The following GLYATL2 variants were observed in gnomAD, a reference collection of about 807,000 sequenced individuals.
The protein encoded by GLYATL2 is glycine N-acyltransferase-like protein 2.
In GLYATL2, 25 loss-of-function variants were observed where a neutral mutation model predicts 21.4. The observed-to-expected ratio is 1.17, with a 90% CI of 0.85 to 1.63. The LOEUF is 1.63. GLYATL2 is among the 40% of genes most tolerant of loss of function. The probability of loss-of-function intolerance (pLI) is 0.00; values close to 1 mark genes in which losing one functional copy is unlikely to be tolerated. For synonymous variants in GLYATL2, 114 were observed against 118.2 expected, an observed-to-expected ratio of 0.96 and a Z score of 0.23; for missense variants, 361 against 343.3, an observed-to-expected ratio of 1.05 and a Z score of -0.41.
At position 58,834,516 on chromosome 11, in the gene GLYATL2, T is replaced by A; in HGVS notation, c.798A>T (p.Lys266Asn). 1 of 1,613,790 alleles carries A rather than the reference T, an allele frequency of 6.2e-7. No homozygotes were observed. Among genetic ancestry groups the A allele is most frequent in the South Asian group, 1.1e-5 (1 of 91,042 alleles). Residue 266 changes from lysine to asparagine, a missense_variant, in exon 6 of 6, where the codon AAA (lysine) becomes AAT (asparagine). Lys to Asn is a moderately conservative substitution (Grantham distance 94). Coordinates refer to ENST00000287275, the MANE Select transcript of GLYATL2 (RefSeq NM_145016.4). The stretch of plus-strand genomic sequence containing the variant: ...CCAAATTGTTCAGTGCCTGTAGGCT[T>A]TTCTCATTATTATCTGCCACATGGA... ...FYFHVADNNE[K>N]SLQALNNLGF...
intron 1 of GLYATL2, among the ~76,000 whole-genome samples, chr11:58,857,982 T>C (rs1397441230): frequency 6.6e-6 from 1 of 151,336 alleles, no homozygotes; most frequent in Admixed American, 6.6e-5. Context: ...ATGGATCACA[T>C]TGGAGTTTGG....
chr11:58,900,796 TG>T (rs201345643), intron 1 of GLYATL2, among the ~76,000 whole-genome samples: 2,782 of 151,982 alleles, frequency 0.018, 87 homozygotes, highest in African/African-American at 0.063. Flanking sequence ...ATGGGAAGCT[TG>T]GGGGGGTGGT....
Position 58,834,499 on chromosome 11 carries a change from T to A in GLYATL2, c.815A>T (p.Asn272Ile), listed in dbSNP as rs773639109. 59 of 1,613,422 alleles carry A rather than the reference T, an allele frequency of 3.7e-5. No homozygotes were observed. The highest frequency in any genetic ancestry group is 6.7e-5 in the Admixed American group (4 of 59,924). ...DNNEKSLQAL[N>I]NLGFKICPCG... Reference sequence around the variant, plus strand: ...AGGACAAATCTTAAACCCCAAATTGTTCAGTGCCTGTAGGCTTTTCTCATT... The same window carrying A: ...AGGACAAATCTTAAACCCCAAATTGATCAGTGCCTGTAGGCTTTTCTCATT... Residue 272 changes from asparagine to isoleucine, a missense_variant, in exon 6 of 6, where the codon AAC (asparagine) becomes ATC (isoleucine). By Grantham distance (149) the Asn-to-Ile change is moderately radical (BLOSUM62 -3). Coordinates refer to ENST00000287275, the MANE Select transcript of GLYATL2 (RefSeq NM_145016.4).
chr11:58,861,582 A>AT (rs1466008375), intron 1 of GLYATL2, among the ~76,000 whole-genome samples: 1 of 149,386 alleles, frequency 6.7e-6, no homozygotes, highest in Non-Finnish European at 1.5e-5. Context: ...TCTGATCTTT[A>AT]TTTTTTCCTT....
chr11:58,845,167 A>G (rs1037165668), upstream of GLYATL2, among the ~76,000 whole-genome samples: 16 of 152,358 alleles, frequency 1.1e-4, no homozygotes, highest in Middle Eastern at 3.4e-3. Flanking sequence ...TGTTAACAAT[A>G]CAAGAACTTT....
chr11:58,874,555 T>A (rs536513676), intron 1 of GLYATL2, among the ~76,000 whole-genome samples: 56 of 152,358 alleles, frequency 3.7e-4, no homozygotes, highest in African/African-American at 1.3e-3. Context: ...TACCCAGTAG[T>A]CATTCAGGAG....
intron 1 of GLYATL2, among the ~76,000 whole-genome samples, chr11:58,867,366 A>C (rs1456584537): frequency 6.7e-6 from 1 of 148,878 alleles, no homozygotes; most frequent in African/African-American, 2.4e-5. Context: ...TTTATGGTGA[A>C]TATGTTCTCT....
At chr11:58,853,279 T>C (rs1853772939) in intron 1 of GLYATL2, among the ~76,000 whole-genome samples, 1 of 152,214 alleles carries the variant, frequency 6.6e-6, no homozygotes, top group Non-Finnish European at 1.5e-5. Flanking sequence ...GGTCCACTTA[T>C]GGTTGGATCT....
intron 1 of GLYATL2, among the ~76,000 whole-genome samples, chr11:58,903,929 C>T (rs1239369853): frequency 6.6e-6 from 1 of 152,188 alleles, no homozygotes; most frequent in Non-Finnish European, 1.5e-5. Context: ...AGTAGAATTA[C>T]TGACACACTC....
intron 1 of GLYATL2, among the ~76,000 whole-genome samples, chr11:58,868,233 A>T (rs1854054174): frequency 6.7e-6 from 1 of 148,844 alleles, no homozygotes; most frequent in Non-Finnish European, 1.5e-5. Context: ...TAAACATAGA[A>T]GTTGACCCTC....
chr11:58,842,274 G>A (rs1253215245), intron 1 of GLYATL2, among the ~76,000 whole-genome samples: 1 of 152,158 alleles, frequency 6.6e-6, no homozygotes, highest in Non-Finnish European at 1.5e-5. Flanking sequence ...AAAAAAATTA[G>A]GATGGATGCA....
At chr11:58,852,423 G>C (rs978586162) in intron 1 of GLYATL2, among the ~76,000 whole-genome samples, 1 of 152,194 alleles carries the variant, frequency 6.6e-6, no homozygotes, top group Non-Finnish European at 1.5e-5. Context: ...TATACGTTTT[G>C]AATAACAATG....
upstream of GLYATL2, among the ~76,000 whole-genome samples, chr11:58,848,550 A>G (rs1445785147): frequency 2.0e-5 from 3 of 152,246 alleles, no homozygotes; most frequent in African/African-American, 7.2e-5. Flanking sequence ...GAAAAATGCA[A>G]TTGTCATACT....
upstream of GLYATL2, among the ~76,000 whole-genome samples, chr11:58,906,153 G>A (rs1590762502): frequency 6.6e-6 from 1 of 152,190 alleles, no homozygotes; most frequent in Admixed American, 6.5e-5. Flanking sequence ...GGAGTTAGGT[G>A]GATGGCCGGC....
chr11:58,895,431 T>C (rs1404776258), intron 1 of GLYATL2, among the ~76,000 whole-genome samples: 1 of 152,164 alleles, frequency 6.6e-6, no homozygotes, highest in Non-Finnish European at 1.5e-5. Flanking sequence ...ACAACAGAAA[T>C]TGATTTCTCA....
At chr11:58,880,465 C>T (rs1034264089) in intron 1 of GLYATL2, among the ~76,000 whole-genome samples, 1 of 152,138 alleles carries the variant, frequency 6.6e-6, no homozygotes, top group Non-Finnish European at 1.5e-5. Flanking sequence ...ATTCTCAAGA[C>T]AGATGGAACA....
intron 1 of GLYATL2, among the ~76,000 whole-genome samples, chr11:58,873,098 G>A (rs1346553425): frequency 6.6e-6 from 1 of 151,002 alleles, no homozygotes; most frequent in African/African-American, 2.4e-5. Context: ...TCTGTTATTG[G>A]TGCATAAGAA....
intron 3 of GLYATL2, among the ~76,000 whole-genome samples, 198 bp downstream of exon 3, chr11:58,838,063 C>T (rs1045593208): frequency 6.6e-6 from 1 of 152,104 alleles, no homozygotes; most frequent in African/African-American, 2.4e-5. Flanking sequence ...TTTACACATC[C>T]TGGATTACTG....
chr11:58,837,387 T>A lies in GLYATL2; in HGVS notation c.197A>T (p.Asp66Val), dbSNP rs80238941. The A allele has an allele frequency of 1.3e-4, 207 of 1,612,910 alleles. 1 individual carries two copies. The East Asian group carries it at 3.6e-3, about 28-fold the overall frequency. Reference protein sequence around the residue: ...ITRPQKQEMKDDQDHYTNTYH... With the variant: ...ITRPQKQEMKVDQDHYTNTYH... Reference sequence around the variant, plus strand: ...AGTGTTGGTATAATGATCCTGGTCATCTTTCATCTCCTGATATAACAAATA... The same window carrying A: ...AGTGTTGGTATAATGATCCTGGTCAACTTTCATCTCCTGATATAACAAATA... Residue 66 changes from aspartate to valine, a missense_variant, in exon 4 of 6, where the codon GAT becomes GTT. By Grantham distance (152) the Asp-to-Val change is radical (BLOSUM62 -3). Coordinates refer to ENST00000287275, the MANE Select transcript of GLYATL2 (RefSeq NM_145016.4).
Sources: gnomAD v4.1 joint callset for allele counts (sites outside exome capture counted in the v4.1 genomes callset) on GRCh38, gnomAD v4.1.1 for gene constraint, MANE v1.5 for transcripts, NCBI Gene and HGNC (gene_info 2026-07-23, HGNC 2026-07-21) for gene names.